PDE4D: variants seen among roughly 807,000 people sequenced by gnomAD.
PDE4D encodes the protein phosphodiesterase 4D, also known as 3',5'-cyclic-AMP phosphodiesterase 4D.
Under a neutral mutation model 87.4 loss-of-function variants are expected in PDE4D, and 24 were observed. The ratio of observed to expected loss-of-function variants is 0.27; its 90% CI spans 0.20 to 0.39. The LOEUF is 0.39. PDE4D is among the 10% of genes least tolerant of loss of function. The pLI, the probability that PDE4D is intolerant of heterozygous loss-of-function variation, is 1.00. For synonymous variants in PDE4D, 384 were observed against 383.2 expected, an observed-to-expected ratio of 1.00 and a Z score of -0.02; for missense variants, 714 against 1,041.0, an observed-to-expected ratio of 0.69 and a Z score of 4.32.
chr5:59,967,296 A>T (rs1301209714), intron 3 of PDE4D, among the ~76,000 whole-genome samples: 1 of 152,210 alleles, frequency 6.6e-6, no homozygotes, highest in Non-Finnish European at 1.5e-5. Flanking sequence ...TAGCTTCTGC[A>T]CAGCAAAGAA....
At chr5:59,771,483 A>AGAG (rs1554081452) in intron 1 of PDE4D, among the ~76,000 whole-genome samples, 10 of 54,400 alleles carry the variant, frequency 1.8e-4, no homozygotes, top group East Asian at 4.7e-4. Context: ...GAAAGAAAGA[A>AGAG]AGAGAGAGAG....
At chr5:59,813,304 G>A (rs151324015) in intron 1 of PDE4D, among the ~76,000 whole-genome samples, 176 of 152,214 alleles carry the variant, frequency 1.2e-3, no homozygotes, top group African/African-American at 4.0e-3. Flanking sequence ...ACGTCTTTGA[G>A]GCACTGACTG....
chr5:59,331,870 A>T (rs1216109792), intron 1 of PDE4D, among the ~76,000 whole-genome samples: 3 of 152,196 alleles, frequency 2.0e-5, no homozygotes, highest in Non-Finnish European at 2.9e-5. Context: ...TTATCCTTCA[A>T]CATTCTAATC....
At chr5:59,238,941 A>G (rs1242576557) in intron 1 of PDE4D, among the ~76,000 whole-genome samples, 1 of 152,186 alleles carries the variant, frequency 6.6e-6, no homozygotes, top group East Asian at 1.9e-4. Flanking sequence ...CCTAGAGACA[A>G]CGTTAAGATG....
At chr5:59,572,790 A>G (rs1052640442) in intron 1 of PDE4D, among the ~76,000 whole-genome samples, 21 of 152,298 alleles carry the variant, frequency 1.4e-4, no homozygotes, top group African/African-American at 5.1e-4. Flanking sequence ...GCTTTCTTTT[A>G]ATTATAAACT....
At chr5:59,297,541 G>T (rs1293250661) in intron 1 of PDE4D, among the ~76,000 whole-genome samples, 1 of 152,040 alleles carries the variant, frequency 6.6e-6, no homozygotes, top group Non-Finnish European at 1.5e-5. Context: ...TGCTTTATTT[G>T]CTTCACAGGC....
At chr5:59,328,762 G>A (rs962513627) in intron 1 of PDE4D, among the ~76,000 whole-genome samples, 1 of 152,186 alleles carries the variant, frequency 6.6e-6, no homozygotes, top group Non-Finnish European at 1.5e-5. Flanking sequence ...ATTAGAAGTT[G>A]AGGGTCATTA....
At chr5:60,273,947 G>A (rs1751086914) in intron 1 of PDE4D, among the ~76,000 whole-genome samples, 1 of 152,154 alleles carries the variant, frequency 6.6e-6, no homozygotes, top group Admixed American at 6.5e-5. Context: ...CACTGGAATA[G>A]ATGAGCATGC....
chr5:60,479,876 CCT>C, intron 1 of PDE4D, among the ~76,000 whole-genome samples: 1 of 152,234 alleles, frequency 6.6e-6, no homozygotes, highest in East Asian at 1.9e-4. Flanking sequence ...GAACTGACAC[CCT>C]GAGTGACACC....
chr5:59,654,738 C>T (rs2150254397), intron 1 of PDE4D, among the ~76,000 whole-genome samples: 1 of 152,188 alleles, frequency 6.6e-6, no homozygotes. Flanking sequence ...TTCAATTCCC[C>T]ATACCCCCTC....
At chr5:59,113,868 T>C (rs1773106115) in intron 5 of PDE4D, among the ~76,000 whole-genome samples, 1 of 152,132 alleles carries the variant, frequency 6.6e-6, no homozygotes, top group Non-Finnish European at 1.5e-5. Context: ...CCTTAAAGAG[T>C]GTGGCACATA....
chr5:59,673,895 T>C (rs890242620), intron 1 of PDE4D, among the ~76,000 whole-genome samples: 4 of 152,220 alleles, frequency 2.6e-5, no homozygotes, highest in East Asian at 1.9e-4. Context: ...GGTTTAGTCA[T>C]GTAGTTTCCG....
chr5:60,454,773 G>A (rs1240512536), intron 1 of PDE4D, among the ~76,000 whole-genome samples: 1 of 152,026 alleles, frequency 6.6e-6, no homozygotes, highest in Non-Finnish European at 1.5e-5. Flanking sequence ...TAACAAACCT[G>A]CACATTCTGC....
intron 1 of PDE4D, among the ~76,000 whole-genome samples, chr5:60,370,207 C>G (rs1387863407): frequency 6.6e-6 from 1 of 152,100 alleles, no homozygotes; most frequent in African/African-American, 2.4e-5. Flanking sequence ...GGTAGAGTAC[C>G]CATACATCCC....
intron 2 of PDE4D, among the ~76,000 whole-genome samples, chr5:59,993,370 T>C (rs544245804): frequency 7.2e-5 from 11 of 152,314 alleles, no homozygotes; most frequent in Non-Finnish European, 8.8e-5. Flanking sequence ...AGCAAATAAC[T>C]GGATGTAATC....
intron 1 of PDE4D, among the ~76,000 whole-genome samples, chr5:59,568,558 G>T (rs568183514): frequency 2.0e-5 from 3 of 152,016 alleles, no homozygotes; most frequent in Non-Finnish European, 4.4e-5. Flanking sequence ...AATCCACCTC[G>T]ATCAGGTGAT....
intron 1 of PDE4D, among the ~76,000 whole-genome samples, chr5:59,770,281 G>A (rs575785221): frequency 5.1e-4 from 77 of 151,992 alleles, no homozygotes; most frequent in African/African-American, 1.8e-3. Context: ...GGGACTGAAC[G>A]GCCTTAGAAG....
At chr5:60,009,379 A>G (rs943910793) in intron 2 of PDE4D, among the ~76,000 whole-genome samples, 2 of 152,040 alleles carry the variant, frequency 1.3e-5, no homozygotes, top group African/African-American at 4.8e-5. Flanking sequence ...AGATTAATCA[A>G]TTGATTGATT....
chr5:58,988,000 A>G (rs1746897929), intron 11 of PDE4D, among the ~76,000 whole-genome samples: 1 of 152,132 alleles, frequency 6.6e-6, no homozygotes, highest in Non-Finnish European at 1.5e-5. Flanking sequence ...GTGAGAAAAA[A>G]CCAAATGGTT....
Sources: allele counts gnomAD v4.1 joint callset (sites outside exome capture counted in the v4.1 genomes callset), GRCh38; gene constraint gnomAD v4.1.1; transcripts MANE v1.5; gene names NCBI Gene and HGNC (gene_info 2026-07-23, HGNC 2026-07-21).